Variants in TMEM132D observed in about 807,000 individuals in gnomAD.
TMEM132D encodes the protein mature OL transmembrane protein.
TMEM132D carries 21 observed loss-of-function variants against 62.3 expected under a neutral mutation model. That is an observed-to-expected ratio of 0.34 (90% CI 0.24 to 0.49). The LOEUF is 0.49. Among genes scored for constraint, TMEM132D ranks in the 20% least tolerant of loss-of-function variants. The probability of loss-of-function intolerance (pLI) is 0.99; values close to 1 mark genes in which losing one functional copy is unlikely to be tolerated. For missense variants in TMEM132D, 1,346 were observed against 1,402.8 expected (o/e 0.96, Z 0.65); for synonymous variants, 621 against 575.6 (o/e 1.08, Z -1.13).
intron 3 of TMEM132D, among the ~76,000 whole-genome samples, chr12:129,500,440 C>A (rs2137066743): frequency 9.8e-6 from 1 of 101,688 alleles, no homozygotes; most frequent in East Asian, 3.1e-4. Context: ...ACTGCTCAGT[C>A]TATGGATGGC....
intron 5 of TMEM132D, among the ~76,000 whole-genome samples, chr12:129,103,460 C>T (rs1875381743): frequency 1.3e-5 from 2 of 151,964 alleles, no homozygotes; most frequent in African/African-American, 4.8e-5. Flanking sequence ...AGCAAGCTCT[C>T]CTTGGAGGGA....
chr12:129,217,446 G>A (rs1031802481), intron 4 of TMEM132D, among the ~76,000 whole-genome samples: 4 of 152,180 alleles, frequency 2.6e-5, no homozygotes, highest in Admixed American at 6.5e-5. Context: ...CATTGGAGGA[G>A]GTTAGAGGGG....
At chr12:129,340,968 C>T (rs999641678) in intron 3 of TMEM132D, among the ~76,000 whole-genome samples, 23 of 152,148 alleles carry the variant, frequency 1.5e-4, no homozygotes, top group Non-Finnish European at 3.2e-4. Flanking sequence ...ATCTACAGTA[C>T]GATTATGGAC....
chr12:129,442,398 T>C (rs1872965419), intron 3 of TMEM132D, among the ~76,000 whole-genome samples: 1 of 152,166 alleles, frequency 6.6e-6, no homozygotes, highest in Non-Finnish European at 1.5e-5. Flanking sequence ...GAAACGATCC[T>C]GGACTTAAGA....
intron 1 of TMEM132D, among the ~76,000 whole-genome samples, chr12:129,732,239 C>T (rs1327047108): frequency 6.6e-6 from 1 of 152,116 alleles, no homozygotes; most frequent in African/African-American, 2.4e-5. Context: ...TGTTCTTTTT[C>T]CCTGTTCCTG....
chr12:129,712,705 G>A (rs1868416263), intron 1 of TMEM132D, among the ~76,000 whole-genome samples: 1 of 152,182 alleles, frequency 6.6e-6, no homozygotes, highest in East Asian at 1.9e-4. Flanking sequence ...CTACCATACT[G>A]GACGTCTCTA....
chr12:129,353,855 A>G (rs1181353474), intron 3 of TMEM132D, among the ~76,000 whole-genome samples: 1 of 151,012 alleles, frequency 6.6e-6, no homozygotes, highest in African/African-American at 2.4e-5. Flanking sequence ...ACACCTCCTG[A>G]CTGACTCCAC....
intron 1 of TMEM132D, among the ~76,000 whole-genome samples, chr12:129,720,062 G>A (rs114534805): frequency 6.6e-5 from 10 of 152,148 alleles, no homozygotes; most frequent in Admixed American, 2.0e-4. Flanking sequence ...TGCCCTAAGC[G>A]TGGAAGGGAT....
intron 2 of TMEM132D, among the ~76,000 whole-genome samples, chr12:129,583,707 G>C (rs78008829): frequency 0.018 from 2,677 of 152,310 alleles, 46 homozygotes; most frequent in Non-Finnish European, 0.027. Flanking sequence ...GCCTTAGACA[G>C]AGGAATGAGG....
intron 2 of TMEM132D, among the ~76,000 whole-genome samples, chr12:129,541,356 T>C (rs1378041052): frequency 6.6e-6 from 1 of 152,176 alleles, no homozygotes; most frequent in East Asian, 1.9e-4. Context: ...CAGTCAAGGA[T>C]GTTATTTAAA....
intron 1 of TMEM132D, among the ~76,000 whole-genome samples, chr12:129,845,535 G>C (rs1164968840): frequency 6.6e-6 from 1 of 152,190 alleles, no homozygotes; most frequent in Non-Finnish European, 1.5e-5. Flanking sequence ...GATACTGACT[G>C]TGTTTAAATA....
intron 2 of TMEM132D, among the ~76,000 whole-genome samples, chr12:129,650,981 C>G (rs1466746461): frequency 6.6e-6 from 1 of 152,166 alleles, no homozygotes; most frequent in African/African-American, 2.4e-5. Context: ...TCCATATTAC[C>G]TTCTAGCTAT....
chr12:129,424,572 G>A (rs747968723), intron 3 of TMEM132D, among the ~76,000 whole-genome samples: 2 of 151,804 alleles, frequency 1.3e-5, no homozygotes, highest in Non-Finnish European at 2.9e-5. Flanking sequence ...GCCGGGCGTG[G>A]TGGTGGGCAC....
At chr12:129,366,856 G>C (rs1017769578) in intron 3 of TMEM132D, among the ~76,000 whole-genome samples, 1 of 152,218 alleles carries the variant, frequency 6.6e-6, no homozygotes, top group African/African-American at 2.4e-5. Context: ...GAGATGGGCT[G>C]TCAACAGATG....
intron 3 of TMEM132D, among the ~76,000 whole-genome samples, chr12:129,433,262 G>A (rs1872710240): frequency 6.6e-6 from 1 of 151,904 alleles, no homozygotes; most frequent in Non-Finnish European, 1.5e-5. Context: ...ATTTATCTTG[G>A]GTATATATAT....
intron 3 of TMEM132D, among the ~76,000 whole-genome samples, chr12:129,362,330 G>C (rs899338761): frequency 1.3e-5 from 2 of 152,102 alleles, no homozygotes; most frequent in Admixed American, 6.6e-5. Flanking sequence ...GCTGTGGTGG[G>C]AGGAAGAACT....
At chr12:129,609,338 T>A (rs7956182) in intron 2 of TMEM132D, among the ~76,000 whole-genome samples, 1 of 152,018 alleles carries the variant, frequency 6.6e-6, no homozygotes, top group Non-Finnish European at 1.5e-5. Context: ...GTCATCAACA[T>A]ATCACGAGAA....
Position 129,388,806 on chromosome 12 carries a change from C to T in TMEM132D, c.1116-50989G>A, listed in dbSNP as rs539302897. 1.1e-4 allele frequency among the ~76,000 whole-genome samples: 11 copies of T among 104,674 alleles called. 1 individual carries two copies. In the South Asian group the frequency reaches 2.4e-3, roughly 23 times the overall value. The allele number at this position is 104,674 out of a possible 152,430, so 68.7% of individuals were successfully genotyped here. A position where few individuals can be genotyped will look rare whatever the true frequency, so the allele number is the denominator to read the frequency against. On this transcript the variant is annotated intron_variant, in intron 3 of 8. Coordinates refer to ENST00000422113, the MANE Select transcript of TMEM132D (RefSeq NM_133448.3). Reference sequence around the variant, plus strand: ...ACTGATGATAATATTAACACCAACACAAATCCTAATATAAACACTAATAGC... The same window carrying T: ...ACTGATGATAATATTAACACCAACATAAATCCTAATATAAACACTAATAGC...
At chr12:129,761,625 G>A (rs958411017) in intron 1 of TMEM132D, among the ~76,000 whole-genome samples, 16 of 152,162 alleles carry the variant, frequency 1.1e-4, no homozygotes, top group African/African-American at 3.9e-4. Context: ...TCGGTTCTCC[G>A]CGGTTGGCCA....
Sources: gnomAD v4.1 joint callset for allele counts (sites outside exome capture counted in the v4.1 genomes callset) on GRCh38, gnomAD v4.1.1 for gene constraint, MANE v1.5 for transcripts, NCBI Gene and HGNC (gene_info 2026-07-23, HGNC 2026-07-21) for gene names.